The following THADA variants were observed in gnomAD, a reference collection of about 807,000 sequenced individuals.
The protein encoded by THADA is tRNA (32-2'-O)-methyltransferase regulator THADA.
Under a neutral mutation model 219.8 loss-of-function variants are expected in THADA, and 213 were observed. The ratio of observed to expected loss-of-function variants is 0.97; its 90% CI spans 0.87 to 1.09. The LOEUF (loss-of-function observed/expected upper bound fraction) is 1.09. THADA is among the 50% of genes least tolerant of loss of function. The pLI is 0.00. For missense variants in THADA, 2,956 were observed against 2,311.3 expected (o/e 1.28, Z -5.72); for synonymous variants, 1,018 against 828.9 (o/e 1.23, Z -3.92).
At chr2:43,245,427 C>A (rs768354992) in intron 36 of THADA, among the ~76,000 whole-genome samples, 3 of 152,134 alleles carry the variant, frequency 2.0e-5, no homozygotes, top group Non-Finnish European at 4.4e-5. Flanking sequence ...CCCGCCTTGG[C>A]CTCCCAACGT....
chr2:43,573,288 A>G (rs1362019766), intron 11 of THADA, among the ~76,000 whole-genome samples: 1 of 152,248 alleles, frequency 6.6e-6, no homozygotes, highest in African/African-American at 2.4e-5. Context: ...GGAATCAGGC[A>G]GCAAATCAGG....
intron 28 of THADA, among the ~76,000 whole-genome samples, chr2:43,410,079 G>A (rs1319619908): frequency 3.3e-5 from 5 of 151,742 alleles, no homozygotes; most frequent in Admixed American, 1.3e-4. Context: ...CAGAAAAATT[G>A]GGTCAAAGCT....
At chr2:43,524,933 T>C (rs1692969519) in intron 22 of THADA, among the ~76,000 whole-genome samples, 1 of 152,202 alleles carries the variant, frequency 6.6e-6, no homozygotes, top group Non-Finnish European at 1.5e-5. Flanking sequence ...TCTGTTCTTT[T>C]TTCCTTTCAT....
chr2:43,448,004 A>G (rs916209093), intron 26 of THADA, among the ~76,000 whole-genome samples: 2 of 152,232 alleles, frequency 1.3e-5, no homozygotes, highest in African/African-American at 4.8e-5. Context: ...AAGAATAAAC[A>G]TAACTAGTTT....
chr2:43,328,894 C>G (rs113039898), intron 30 of THADA, among the ~76,000 whole-genome samples: 19 of 152,314 alleles, frequency 1.2e-4, no homozygotes, highest in African/African-American at 4.1e-4. Flanking sequence ...TATTAATCAC[C>G]TGCCTTTCCA....
chr2:43,381,708 G>T (rs933009278), intron 29 of THADA, among the ~76,000 whole-genome samples: 10 of 151,814 alleles, frequency 6.6e-5, no homozygotes, highest in Non-Finnish European at 1.0e-4. Flanking sequence ...CCTCCTGAGT[G>T]GCTGAGATTA....
intron 37 of THADA, among the ~76,000 whole-genome samples, chr2:43,231,744 G>C (rs190774138): frequency 8.5e-5 from 13 of 152,272 alleles, no homozygotes; most frequent in African/African-American, 1.7e-4. Flanking sequence ...CAGAGAGGAA[G>C]GAATCTCCAA....
chr2:43,408,814 T>TC (rs1263430035), intron 28 of THADA, among the ~76,000 whole-genome samples: 3 of 152,210 alleles, frequency 2.0e-5, no homozygotes, highest in Middle Eastern at 3.2e-3. Context: ...CCTCTCTTGT[T>TC]CCATTGTTTA....
intron 28 of THADA, among the ~76,000 whole-genome samples, chr2:43,426,005 T>C (rs1678378735): frequency 6.6e-6 from 1 of 152,228 alleles, no homozygotes; most frequent in Admixed American, 6.5e-5. Flanking sequence ...CCTTACTTAC[T>C]GGAAGAAAGC....
chr2:43,570,936 C>T (rs10166307), intron 13 of THADA, among the ~76,000 whole-genome samples: 11 of 151,990 alleles, frequency 7.2e-5, no homozygotes, highest in Non-Finnish European at 1.2e-4. Context: ...AAAAAAGAGC[C>T]CAAGGTTGAT....
intron 19 of THADA, 86 bp from the exon 20 acceptor site, chr2:43,549,454 T>G: frequency 7.7e-7 from 1 of 1,294,302 alleles, no homozygotes; most frequent in Non-Finnish European, 1.1e-6. Flanking sequence ...AAAAAATCTA[T>G]AATTTTCAAT....
intron 31 of THADA, among the ~76,000 whole-genome samples, chr2:43,293,686 T>C (rs992547202): frequency 2.6e-5 from 4 of 152,228 alleles, no homozygotes; most frequent in South Asian, 2.1e-4. Context: ...AAAAGTTCTT[T>C]TTGTGTTTCT....
chr2:43,510,926 G>C (rs773261544), intron 22 of THADA, among the ~76,000 whole-genome samples: 124 of 151,524 alleles, frequency 8.2e-4, no homozygotes, highest in Non-Finnish European at 8.7e-4. Context: ...AGCCAAGATG[G>C]CGCCACTGCA....
chr2:43,340,664 A>G (rs750614275), intron 30 of THADA, among the ~76,000 whole-genome samples: 2 of 152,224 alleles, frequency 1.3e-5, no homozygotes, highest in Non-Finnish European at 2.9e-5. Context: ...GCTTATATTC[A>G]AAAGATACAG....
intron 31 of THADA, among the ~76,000 whole-genome samples, chr2:43,316,501 G>T (rs1678098275): frequency 6.6e-6 from 1 of 152,214 alleles, no homozygotes; most frequent in Admixed American, 6.5e-5. Context: ...ATACTGCAGT[G>T]TTTTCCTAGG....
intron 31 of THADA, among the ~76,000 whole-genome samples, chr2:43,301,957 G>C (rs1389941026): frequency 1.3e-5 from 2 of 152,100 alleles, no homozygotes; most frequent in Non-Finnish European, 2.9e-5. Context: ...TCGTTTGCAG[G>C]ACACAAATAA....
intron 29 of THADA, among the ~76,000 whole-genome samples, chr2:43,344,465 C>A (rs1314598412): frequency 1.3e-5 from 2 of 152,144 alleles, no homozygotes; most frequent in African/African-American, 4.8e-5. Context: ...CACACAATCC[C>A]CAAAACTGAT....
chr2:43,453,235 T>G (rs2104901968), intron 26 of THADA, among the ~76,000 whole-genome samples: 1 of 152,234 alleles, frequency 6.6e-6, no homozygotes, highest in East Asian at 1.9e-4. Context: ...AAGGTGTGAT[T>G]TTCCTCAGCT....
At chr2:43,416,715 T>C (rs1205684871) in intron 28 of THADA, among the ~76,000 whole-genome samples, 2 of 152,158 alleles carry the variant, frequency 1.3e-5, no homozygotes, top group East Asian at 1.9e-4. Context: ...TGGATAATTA[T>C]GAAAAGAGGG....
Sources: gnomAD v4.1 joint callset for allele counts (sites outside exome capture counted in the v4.1 genomes callset) on GRCh38, gnomAD v4.1.1 for gene constraint, MANE v1.5 for transcripts, NCBI Gene and HGNC (gene_info 2026-07-23, HGNC 2026-07-21) for gene names.